SLC14A2: variants seen among roughly 807,000 people sequenced by gnomAD.
The protein encoded by SLC14A2 is solute carrier family 14 member 2.
Under a neutral mutation model 104.6 loss-of-function variants are expected in SLC14A2, and 91 were observed. The ratio of observed to expected loss-of-function variants is 0.87; its 90% CI spans 0.73 to 1.04. SLC14A2 has a LOEUF of 1.04. Ranked by LOEUF, SLC14A2 falls within the 50% of genes least tolerant of loss-of-function variation. SLC14A2 has a pLI of 0.00. For synonymous variants in SLC14A2, 476 were observed against 466.4 expected, an observed-to-expected ratio of 1.02 and a Z score of -0.27; for missense variants, 1,189 against 1,156.0, an observed-to-expected ratio of 1.03 and a Z score of -0.41.
At chr18:45,589,748 C>T (rs1017561112) in intron 2 of SLC14A2, among the ~76,000 whole-genome samples, 4 of 152,128 alleles carry the variant, frequency 2.6e-5, no homozygotes, top group African/African-American at 9.7e-5. Flanking sequence ...GATATACTGT[C>T]GTTTCAGACT....
intron 2 of SLC14A2, among the ~76,000 whole-genome samples, chr18:45,575,226 C>A (rs4890550): frequency 2.0e-5 from 3 of 151,898 alleles, no homozygotes; most frequent in East Asian, 1.9e-4. Context: ...TGATTCAGTC[C>A]CTGAGCTACA....
chr18:45,658,045 G>A (rs2045871704), intron 10 of SLC14A2, among the ~76,000 whole-genome samples: 1 of 152,066 alleles, frequency 6.6e-6, no homozygotes, highest in South Asian at 2.1e-4. Flanking sequence ...AAAAAAAAAA[G>A]ATCAAATTAT....
rs1309829215 is a variant in SLC14A2, at chr18:45,641,319, A to C, written c.1102A>C (p.Thr368Pro). 1 of 1,614,134 alleles carries C rather than the reference A, an allele frequency of 6.2e-7. No homozygotes were observed. The highest frequency in any genetic ancestry group is 1.3e-5 in the African/African-American group (1 of 75,032). Reference sequence around the variant, plus strand: ...CATGTTCTATGCCCTCACCTGGCAGACTCACCTGCTGGCCCTCATCTGTGG... The same window carrying C: ...CATGTTCTATGCCCTCACCTGGCAGCCTCACCTGCTGGCCCTCATCTGTGG... ...GGMFYALTWQ[T>P]HLLALICALF... The change falls in exon 8 of 20, where the codon ACT becomes CCT. Residue 368 changes from threonine (T) to proline (P), a missense_variant. Transcript: ENST00000255226.
At chr18:45,192,542 G>A in the SLC14A2 span, among the ~76,000 whole-genome samples, 1 of 151,920 alleles carries the variant, frequency 6.6e-6, no homozygotes, top group Non-Finnish European at 1.5e-5. Flanking sequence ...GCAGTGTTTC[G>A]TTTCCTTCAC....
At chr18:45,301,731 T>A (rs1213118004) in intron 1 of SLC14A2, among the ~76,000 whole-genome samples, 1 of 152,194 alleles carries the variant, frequency 6.6e-6, no homozygotes, top group Non-Finnish European at 1.5e-5. Flanking sequence ...ATTGACCAGG[T>A]TGTTTTGTCT....
chr18:45,233,578 T>C (rs1474120151), intron 1 of SLC14A2, among the ~76,000 whole-genome samples: 1 of 152,134 alleles, frequency 6.6e-6, no homozygotes, highest in Non-Finnish European at 1.5e-5. Context: ...TCTCTGTGGC[T>C]CTGAACAAAA....
At chr18:45,618,882 GCACAGC>G (rs1363789437) in intron 1 of SLC14A2, among the ~76,000 whole-genome samples, 1 of 152,040 alleles carries the variant, frequency 6.6e-6, no homozygotes, top group African/African-American at 2.4e-5. Context: ...TACGAAATAG[GCACAGC>G]CCCTCTTCAC....
At chr18:45,362,949 T>TA (rs2085627541) in intron 1 of SLC14A2, among the ~76,000 whole-genome samples, 1 of 152,086 alleles carries the variant, frequency 6.6e-6, no homozygotes. Flanking sequence ...TGGAGCTCAC[T>TA]GGGGGGTACC....
chr18:45,574,521 G>GCTCTCTGCAGGTTGACACAATA (rs1341961903), intron 2 of SLC14A2, among the ~76,000 whole-genome samples: 1 of 152,140 alleles, frequency 6.6e-6, no homozygotes, highest in Non-Finnish European at 1.5e-5. Flanking sequence ...GAAAGACTCA[G>GCTCTCTGCAGGTTGACACAATA]CTCTCTGCAG....
In SLC14A2 at chr18:45,307,541, A is replaced by G. The variant is rs571531867; in HGVS notation, c.-125+94350A>G. ...GCCTGCTGTGGAGTGGAGAACATAT[A>G]TCTCCTCCCAAAGGCTGGCCCTCAG... On this transcript the variant is annotated intron_variant, in intron 1 of 20. Coordinates refer to the SLC14A2 transcript ENST00000586448. 6.4e-4 allele frequency among the ~76,000 whole-genome samples: 97 copies of G among 152,198 alleles called. 1 individual carries two copies. The highest frequency in any genetic ancestry group is 2.3e-3 in the African/African-American group (95 of 41,526).
chr18:45,430,954 C>T (rs1180122031), intron 1 of SLC14A2, among the ~76,000 whole-genome samples: 1 of 152,120 alleles, frequency 6.6e-6, no homozygotes, highest in Non-Finnish European at 1.5e-5. Flanking sequence ...TAGTGAGACT[C>T]CCCTGGTTGG....
chr18:45,514,935 AC>A (rs1228615954), intron 2 of SLC14A2, among the ~76,000 whole-genome samples: 1 of 152,194 alleles, frequency 6.6e-6, no homozygotes, highest in Non-Finnish European at 1.5e-5. Flanking sequence ...CCCCTGTTCC[AC>A]ATTTTGTCAA....
chr18:45,454,502 A>G (rs1308275850), intron 1 of SLC14A2, among the ~76,000 whole-genome samples: 1 of 150,698 alleles, frequency 6.6e-6, no homozygotes, highest in East Asian at 1.9e-4. Context: ...AAAGCTCTTT[A>G]GTTTAATTAG....
At chr18:45,441,892 C>T (rs1051191019) in intron 1 of SLC14A2, among the ~76,000 whole-genome samples, 2 of 152,118 alleles carry the variant, frequency 1.3e-5, no homozygotes, top group Admixed American at 1.3e-4. Context: ...CATCCCTTGG[C>T]ATTTGATTTG....
At chr18:45,457,291 T>C (rs1258594019) in intron 1 of SLC14A2, among the ~76,000 whole-genome samples, 3 of 152,000 alleles carry the variant, frequency 2.0e-5, no homozygotes, top group Admixed American at 1.3e-4. Flanking sequence ...TGGACAATGG[T>C]TCCTGAAAGC....
At chr18:45,283,616 A>C (rs2084784998) in intron 1 of SLC14A2, among the ~76,000 whole-genome samples, 1 of 152,260 alleles carries the variant, frequency 6.6e-6, no homozygotes. Flanking sequence ...AATCAGGTAT[A>C]CATAGCACTG....
chr18:45,316,078 A>T (rs1166131662), intron 1 of SLC14A2, among the ~76,000 whole-genome samples: 1 of 152,092 alleles, frequency 6.6e-6, no homozygotes, highest in African/African-American at 2.4e-5. Context: ...GGGAGCAAGT[A>T]CCCCACACCC....
intron 18 of SLC14A2, 21 bp from the exon 19 acceptor site, chr18:45,678,954 C>CTTTT (rs72437878): frequency 0.012 from 17,397 of 1,428,756 alleles, 60 homozygotes; most frequent in East Asian, 0.025. Context: ...CTATTTCTTT[C>CTTTT]TTTTTTTTTT....
chr18:45,544,701 T>C (rs1338847583), intron 2 of SLC14A2, among the ~76,000 whole-genome samples: 2 of 151,784 alleles, frequency 1.3e-5, no homozygotes, highest in Non-Finnish European at 2.9e-5. Context: ...AAAAATGATA[T>C]TATGATTTTT....
Sources: gnomAD v4.1 joint callset for allele counts (sites outside exome capture counted in the v4.1 genomes callset) on GRCh38, gnomAD v4.1.1 for gene constraint, MANE v1.5 for transcripts, NCBI Gene and HGNC (gene_info 2026-07-23, HGNC 2026-07-21) for gene names.